Variants in MTUS2 observed in about 807,000 individuals in gnomAD.
MTUS2 encodes microtubule associated scaffold protein 2, also known as microtubule-associated tumor suppressor candidate 2.
MTUS2 carries 40 observed loss-of-function variants against 114.1 expected under a neutral mutation model. That is an observed-to-expected ratio of 0.35 (90% CI 0.27 to 0.46). The LOEUF is 0.46. Ranked by LOEUF, MTUS2 falls within the 20% of genes least tolerant of loss-of-function variation. MTUS2 has a pLI of 1.00. For synonymous variants in MTUS2, 688 were observed against 672.0 expected (o/e 1.02, Z -0.37); for missense variants, 1,679 against 1,705.4 (o/e 0.98, Z 0.27).
chr13:29,257,674 G>A (rs1452182015), intron 5 of MTUS2, among the ~76,000 whole-genome samples: 1 of 152,210 alleles, frequency 6.6e-6, no homozygotes, highest in Non-Finnish European at 1.5e-5. Flanking sequence ...TTGGCAAAGA[G>A]ACTGAAGGAA....
chr13:28,924,119 A>T (rs1881198377), intron 2 of MTUS2, among the ~76,000 whole-genome samples: 2 of 151,962 alleles, frequency 1.3e-5, no homozygotes, highest in Admixed American at 6.6e-5. Context: ...TTGGTTGAGG[A>T]TCAGAAAATG....
At chr13:29,007,035 C>A (rs539669204) in intron 2 of MTUS2, among the ~76,000 whole-genome samples, 2 of 152,274 alleles carry the variant, frequency 1.3e-5, no homozygotes, top group South Asian at 4.1e-4. Context: ...TCAGCAAGAA[C>A]GTCCAATCTG....
intron 8 of MTUS2, among the ~76,000 whole-genome samples, chr13:29,391,395 A>T (rs1006642221): frequency 6.6e-6 from 1 of 152,330 alleles, no homozygotes; most frequent in Non-Finnish European, 1.5e-5. Context: ...CTCCGGTTAC[A>T]ACTGTAGTGG....
At chr13:28,981,576 A>G (rs1884359927) in intron 2 of MTUS2, among the ~76,000 whole-genome samples, 1 of 152,212 alleles carries the variant, frequency 6.6e-6, no homozygotes, top group Non-Finnish European at 1.5e-5. Flanking sequence ...ATAAAAGAGA[A>G]ATGAAAAAAG....
At chr13:29,037,913 A>C (rs1593408449) in intron 4 of MTUS2, among the ~76,000 whole-genome samples, 2 of 152,190 alleles carry the variant, frequency 1.3e-5, no homozygotes, top group African/African-American at 4.8e-5. Flanking sequence ...CAATTCATCT[A>C]ACCTTTTTTC....
At chr13:29,222,052 A>G (rs770472494) in intron 5 of MTUS2, among the ~76,000 whole-genome samples, 1 of 152,194 alleles carries the variant, frequency 6.6e-6, no homozygotes, top group Non-Finnish European at 1.5e-5. Context: ...AGCTCAAACA[A>G]TCCTCCTGCC....
intron 2 of MTUS2, among the ~76,000 whole-genome samples, chr13:29,004,922 A>G (rs3858734): frequency 0.44 from 67,421 of 151,894 alleles, 15,591 homozygotes; most frequent in East Asian, 0.68. Context: ...TAAAATGCAT[A>G]GGAATTCAGA....
chr13:28,978,716 A>G (rs1217621252), intron 2 of MTUS2, among the ~76,000 whole-genome samples: 1 of 152,168 alleles, frequency 6.6e-6, no homozygotes, highest in African/African-American at 2.4e-5. Flanking sequence ...TCATGATAAC[A>G]TCCTTTTGTT....
rs545234188 is a variant in MTUS2, at chr13:29,375,554, T to A, written c.3117+16081T>A. Among the ~76,000 whole-genome samples the A allele has an allele frequency of 8.0e-4, 4 of 4,974 alleles. 1 individual carries two copies. The highest frequency in any genetic ancestry group is 1.9e-3 in the Non-Finnish European group (3 of 1,600). 3.3% of individuals were successfully genotyped at this position (4,974 alleles called of 152,430 possible). A position where few individuals can be genotyped will look rare whatever the true frequency, so the allele number is the denominator to read the frequency against. On this transcript the variant is annotated intron_variant, in intron 8 of 15. Coordinates refer to ENST00000612955, the MANE Select transcript of MTUS2 (RefSeq NM_001033602.4). ...ATATATATACGTGTATATATATATA[T>A]ATACGTATATATATATATACATATA...
intron 5 of MTUS2, among the ~76,000 whole-genome samples, chr13:29,156,452 T>C (rs17653330): frequency 0.058 from 8,894 of 152,050 alleles, 332 homozygotes; most frequent in Non-Finnish European, 0.083. Context: ...GGTTGTGCAA[T>C]AAAAAGCCCT....
At chr13:29,018,310 A>G (rs1886151799) in intron 2 of MTUS2, among the ~76,000 whole-genome samples, 1 of 152,200 alleles carries the variant, frequency 6.6e-6, no homozygotes, top group Admixed American at 6.5e-5. Flanking sequence ...TCAGGGTGAT[A>G]TTCTTGGATG....
chr13:29,314,822 G>A (rs750936300), intron 6 of MTUS2, among the ~76,000 whole-genome samples: 1 of 152,032 alleles, frequency 6.6e-6, no homozygotes, highest in Non-Finnish European at 1.5e-5. Flanking sequence ...TCTACTACTG[G>A]GTATATATCC....
At chr13:28,941,313 G>C (rs1481060521) in intron 2 of MTUS2, among the ~76,000 whole-genome samples, 1 of 151,964 alleles carries the variant, frequency 6.6e-6, no homozygotes, top group African/African-American at 2.4e-5. Flanking sequence ...TATGCTTACT[G>C]TATATATGTG....
chr13:29,464,846 C>G (rs1456408385), intron 9 of MTUS2, among the ~76,000 whole-genome samples: 1 of 152,188 alleles, frequency 6.6e-6, no homozygotes, highest in Non-Finnish European at 1.5e-5. Flanking sequence ...AGATTCTCAG[C>G]CCCTGCTGAA....
At chr13:29,431,980 G>T (rs556852609) in intron 8 of MTUS2, among the ~76,000 whole-genome samples, 1 of 150,862 alleles carries the variant, frequency 6.6e-6, no homozygotes, top group South Asian at 2.1e-4. Context: ...AAGTAGCTGG[G>T]ACCACAAGTG....
intron 5 of MTUS2, among the ~76,000 whole-genome samples, chr13:29,115,081 G>T (rs1461475430): frequency 6.6e-6 from 1 of 152,180 alleles, no homozygotes; most frequent in Non-Finnish European, 1.5e-5. Context: ...CAGGATAAAT[G>T]AAATGAAATG....
chr13:29,336,357 A>C (rs555954841), intron 7 of MTUS2, among the ~76,000 whole-genome samples: 2 of 152,080 alleles, frequency 1.3e-5, no homozygotes, highest in Non-Finnish European at 2.9e-5. Context: ...ATGTTATGCT[A>C]TTCCTTTCTG....
chr13:29,109,647 AACCATC>A (rs1378998685), intron 5 of MTUS2, among the ~76,000 whole-genome samples: 9 of 152,210 alleles, frequency 5.9e-5, no homozygotes, highest in African/African-American at 1.7e-4. Flanking sequence ...AAATAAGTTA[AACCATC>A]AATAGGGTCG....
At chr13:29,182,859 C>T (rs1474113884) in intron 5 of MTUS2, among the ~76,000 whole-genome samples, 1 of 152,062 alleles carries the variant, frequency 6.6e-6, no homozygotes, top group Admixed American at 6.5e-5. Context: ...GTGGGGGACC[C>T]TAAGGTAGGA....
Sources: allele counts gnomAD v4.1 joint callset (sites outside exome capture counted in the v4.1 genomes callset), GRCh38; gene constraint gnomAD v4.1.1; transcripts MANE v1.5; gene names NCBI Gene and HGNC (gene_info 2026-07-23, HGNC 2026-07-21).